TOX2: variants seen among roughly 807,000 people sequenced by gnomAD.
The protein encoded by TOX2 is granulosa cell HMG box 1.
TOX2 carries 15 observed loss-of-function variants against 47.4 expected under a neutral mutation model. The ratio of observed to expected loss-of-function variants is 0.32; its 90% CI spans 0.21 to 0.49. The LOEUF (loss-of-function observed/expected upper bound fraction) is 0.49, where lower values mean the gene tolerates loss of function less well. Among genes scored for constraint, TOX2 ranks in the 20% least tolerant of loss-of-function variants. TOX2 has a pLI of 0.99. For missense variants in TOX2, 622 were observed against 673.1 expected (o/e 0.92, Z 0.84); for synonymous variants, 290 against 296.6 (o/e 0.98, Z 0.23).
chr20:43,992,965 C>T (rs1156389329), intron 2 of TOX2, among the ~76,000 whole-genome samples: 2 of 152,106 alleles, frequency 1.3e-5, no homozygotes, highest in Non-Finnish European at 2.9e-5. Flanking sequence ...GCTCGTGGTC[C>T]TCCTTATACC....
At chr20:44,010,877 C>T (rs1465204104) in intron 3 of TOX2, among the ~76,000 whole-genome samples, 4 of 152,174 alleles carry the variant, frequency 2.6e-5, no homozygotes, top group African/African-American at 7.2e-5. Flanking sequence ...TATTCTATCA[C>T]ACCTCCAGAA....
chr20:43,934,685 T>C (rs996607539), intron 1 of TOX2, among the ~76,000 whole-genome samples: 6 of 152,118 alleles, frequency 3.9e-5, no homozygotes, highest in African/African-American at 1.4e-4. Flanking sequence ...GGGGCAGGCG[T>C]GATGGTGCAG....
intron 3 of TOX2, among the ~76,000 whole-genome samples, chr20:44,013,479 A>G (rs1161891132): frequency 6.6e-6 from 1 of 152,228 alleles, no homozygotes; most frequent in Non-Finnish European, 1.5e-5. Context: ...TGGTCTTCTG[A>G]AACACAGGGG....
intron 3 of TOX2, among the ~76,000 whole-genome samples, chr20:44,028,941 C>T (rs1045887229): frequency 6.6e-6 from 1 of 152,174 alleles, no homozygotes; most frequent in Admixed American, 6.5e-5. Flanking sequence ...GCCTCTTGCC[C>T]TGAGCACAGG....
At chr20:44,004,646 G>A (rs1414256301) in intron 2 of TOX2, among the ~76,000 whole-genome samples, 1 of 152,172 alleles carries the variant, frequency 6.6e-6, no homozygotes, top group Non-Finnish European at 1.5e-5. Flanking sequence ...TAGGTATCTT[G>A]TGCTTTCTGC....
intron 3 of TOX2, among the ~76,000 whole-genome samples, chr20:44,030,858 C>T (rs908779371): frequency 6.6e-6 from 1 of 152,196 alleles, no homozygotes; most frequent in Non-Finnish European, 1.5e-5. Context: ...TACTCAAGGT[C>T]TATGCAACTT....
chr20:44,061,277 A>C (rs1156951501), intron 5 of TOX2, among the ~76,000 whole-genome samples: 4 of 152,170 alleles, frequency 2.6e-5, no homozygotes, highest in African/African-American at 4.8e-5. Flanking sequence ...ATAGATTCAG[A>C]GCTGAATTCT....
chr20:43,967,425 C>T (rs2069876291), intron 1 of TOX2, among the ~76,000 whole-genome samples: 1 of 152,100 alleles, frequency 6.6e-6, no homozygotes, highest in Non-Finnish European at 1.5e-5. Flanking sequence ...ACCCACATTG[C>T]TATGCGCCTA....
At chr20:44,011,110 TGGCATTTAG>T (rs1246305190) in intron 3 of TOX2, among the ~76,000 whole-genome samples, 2 of 152,210 alleles carry the variant, frequency 1.3e-5, no homozygotes, top group African/African-American at 4.8e-5. Context: ...ACATTTGTGA[TGGCATTTAG>T]GGCATTTGGG....
At chr20:43,973,182 C>G (rs1175998108) in intron 1 of TOX2, among the ~76,000 whole-genome samples, 185 bp from the exon 2 acceptor site, 4 of 152,220 alleles carry the variant, frequency 2.6e-5, no homozygotes, top group Admixed American at 2.6e-4. Context: ...GGAACAGGGG[C>G]TGCTCCTTCC....
At chr20:43,976,680 A>G (rs1230851883) in intron 2 of TOX2, among the ~76,000 whole-genome samples, 1 of 152,224 alleles carries the variant, frequency 6.6e-6, no homozygotes, top group African/African-American at 2.4e-5. Context: ...CTTGCAGCTC[A>G]GTGGGACCCT....
chr20:44,026,526 C>T (rs968130486), intron 3 of TOX2, among the ~76,000 whole-genome samples: 6 of 151,572 alleles, frequency 4.0e-5, no homozygotes, highest in Non-Finnish European at 7.4e-5. Context: ...AAAATTACTC[C>T]TTGATATTAA....
At chr20:43,952,380 C>T (rs1283012104) in intron 1 of TOX2, among the ~76,000 whole-genome samples, 1 of 152,056 alleles carries the variant, frequency 6.6e-6, no homozygotes, top group African/African-American at 2.4e-5. Context: ...CCGTAACAAC[C>T]CCCTGAATCT....
At chr20:43,959,660 A>G (rs2069725003) in intron 1 of TOX2, among the ~76,000 whole-genome samples, 1 of 152,172 alleles carries the variant, frequency 6.6e-6, no homozygotes, top group Non-Finnish European at 1.5e-5. Context: ...CTTCCACATC[A>G]TCTGCTCATT....
intron 3 of TOX2, among the ~76,000 whole-genome samples, chr20:44,042,531 G>A (rs1338949875): frequency 6.6e-6 from 1 of 152,184 alleles, no homozygotes; most frequent in Non-Finnish European, 1.5e-5. Flanking sequence ...GATTCAATGT[G>A]TTTAATAGGA....
intron 1 of TOX2, among the ~76,000 whole-genome samples, chr20:43,964,844 C>T (rs1312125547): frequency 6.6e-6 from 1 of 152,138 alleles, no homozygotes; most frequent in Non-Finnish European, 1.5e-5. Flanking sequence ...TTGGCCAGTG[C>T]TCACAGCAGC....
At chr20:43,962,146 A>G (rs1054572818) in intron 1 of TOX2, among the ~76,000 whole-genome samples, 5 of 152,270 alleles carry the variant, frequency 3.3e-5, no homozygotes, top group Non-Finnish European at 4.4e-5. Flanking sequence ...AATTTTTGCC[A>G]TAAATCTGCA....
intron 1 of TOX2, among the ~76,000 whole-genome samples, chr20:43,928,223 GTT>G (rs2069202992): frequency 6.6e-6 from 1 of 152,236 alleles, no homozygotes; most frequent in Non-Finnish European, 1.5e-5. Flanking sequence ...TCTGACTTCA[GTT>G]TTCTCGTATA....
At chr20:43,965,009 G>A (rs1043929099) in intron 1 of TOX2, among the ~76,000 whole-genome samples, 5 of 152,164 alleles carry the variant, frequency 3.3e-5, no homozygotes, top group Admixed American at 6.5e-5. Context: ...TTTGTCACAT[G>A]TGTCAAAGAA....
Sources: allele counts gnomAD v4.1 joint callset (sites outside exome capture counted in the v4.1 genomes callset), GRCh38; gene constraint gnomAD v4.1.1; transcripts MANE v1.5; gene names NCBI Gene and HGNC (gene_info 2026-07-23, HGNC 2026-07-21).